QKI: variants seen among roughly 807,000 people sequenced by gnomAD.
QKI encodes the protein KH domain-containing RNA-binding protein QKI.
In QKI, 10 loss-of-function variants were observed where a neutral mutation model predicts 39.0. That is an observed-to-expected ratio of 0.26 (90% CI 0.16 to 0.43). The LOEUF (loss-of-function observed/expected upper bound fraction) is 0.43, where lower values mean the gene tolerates loss of function less well. Ranked by LOEUF, QKI falls within the 20% of genes least tolerant of loss-of-function variation. QKI has a pLI of 1.00. For synonymous variants in QKI, 204 were observed against 155.4 expected (o/e 1.31, Z -2.33); for missense variants, 218 against 428.0 (o/e 0.51, Z 4.33).
intron 3 of QKI, among the ~76,000 whole-genome samples, chr6:163,528,842 A>G (rs1417797494): frequency 6.6e-6 from 1 of 152,118 alleles, no homozygotes; most frequent in African/African-American, 2.4e-5. Context: ...TTGTTATTGC[A>G]CCCTACCTTA....
At chr6:163,443,462 G>A (rs1163890012) in intron 1 of QKI, among the ~76,000 whole-genome samples, 1 of 152,180 alleles carries the variant, frequency 6.6e-6, no homozygotes, top group African/African-American at 2.4e-5. Context: ...CAGCTACTTG[G>A]GAGACTGAGG....
At chr6:163,451,746 A>G (rs1427955476) in intron 1 of QKI, among the ~76,000 whole-genome samples, 1 of 152,170 alleles carries the variant, frequency 6.6e-6, no homozygotes, top group Non-Finnish European at 1.5e-5. Flanking sequence ...GTGGTGGGGC[A>G]TTTGAGTGTT....
Position 163,577,609 on chromosome 6 carries a change from A to ATT in QKI, c.*6899_*6900insTT, listed in dbSNP as rs1777653071. The ATT allele has an allele frequency of 6.6e-6, 1 of 152,490 alleles. No individual in the cohort carries two copies. Among genetic ancestry groups the ATT allele is most frequent in the Admixed American group, 6.6e-5 (1 of 15,252 alleles). 9.4% of individuals were successfully genotyped at this position (152,490 alleles called of 1,614,324 possible). A position where few individuals can be genotyped will look rare whatever the true frequency, so the allele number is the denominator to read the frequency against. On this transcript the variant is annotated 3_prime_UTR_variant, in exon 8 of 8. Coordinates refer to ENST00000361752, the MANE Select transcript of QKI (RefSeq NM_006775.3). ...ACCACTCCTTCCTGTCTCTAGTGTC[A>ATT]CACTTGGGCTGTTGATTTTCTTACT...
intron 2 of QKI, among the ~76,000 whole-genome samples, chr6:163,464,299 G>A (rs1244027996): frequency 1.3e-5 from 2 of 151,304 alleles, no homozygotes; most frequent in Non-Finnish European, 2.9e-5. Context: ...TTAATGGGTG[G>A]GAAACTACCT....
At chr6:163,486,115 T>G (rs987268903) in intron 3 of QKI, among the ~76,000 whole-genome samples, 1 of 152,204 alleles carries the variant, frequency 6.6e-6, no homozygotes, top group African/African-American at 2.4e-5. Context: ...GGGACAACCT[T>G]GGAAAAGAGT....
intron 3 of QKI, among the ~76,000 whole-genome samples, chr6:163,488,278 C>G (rs895676776): frequency 1.3e-5 from 2 of 151,914 alleles, no homozygotes; most frequent in African/African-American, 4.8e-5. Flanking sequence ...AATTCTTCCT[C>G]AGACTTGGAA....
rs1783722701 is a variant in QKI, at chr6:163,571,972, G to A, written c.*1262G>A. 6.6e-6 allele frequency: 1 copy of A among 152,186 alleles called. No homozygotes were observed. Among genetic ancestry groups the A allele is most frequent in the African/African-American group, 2.4e-5 (1 of 41,440 alleles). The allele number at this position is 152,186 out of a possible 1,614,324, so 9.4% of individuals were successfully genotyped here. A position where few individuals can be genotyped will look rare whatever the true frequency, so the allele number is the denominator to read the frequency against. Reference sequence around the variant, plus strand: ...CTCAGTCGCCCAGTATGTGAAAGAAGATATGAGGGAGACAAATGAGTTGAT... The same window carrying A: ...CTCAGTCGCCCAGTATGTGAAAGAAAATATGAGGGAGACAAATGAGTTGAT... On this transcript the variant is annotated 3_prime_UTR_variant, in exon 8 of 8. Transcript: ENST00000361752.
intron 1 of QKI, 126 bp downstream of exon 1, chr6:163,415,461 G>A (rs1281187198): frequency 2.6e-5 from 24 of 911,014 alleles, no homozygotes; most frequent in Admixed American, 3.9e-5. Flanking sequence ...GGGACTGGGA[G>A]GCCAGGAGGG....
intron 3 of QKI, among the ~76,000 whole-genome samples, chr6:163,493,458 A>G (rs969525886): frequency 1.3e-5 from 2 of 152,216 alleles, no homozygotes; most frequent in Non-Finnish European, 2.9e-5. Context: ...TATAAGTAGC[A>G]TTTAATTGTA....
At chr6:163,505,045 G>T (rs969887410) in intron 3 of QKI, among the ~76,000 whole-genome samples, 10 of 152,166 alleles carry the variant, frequency 6.6e-5, no homozygotes, top group African/African-American at 2.4e-4. Flanking sequence ...AGCTTAAAGG[G>T]CCTGAGGTAC....
chr6:163,515,584 A>G (rs1327504478), intron 3 of QKI, among the ~76,000 whole-genome samples: 1 of 152,190 alleles, frequency 6.6e-6, no homozygotes, highest in African/African-American at 2.4e-5. Context: ...AACACATACT[A>G]CATCTTGATA....
chr6:163,541,430 C>T (rs560863176), intron 4 of QKI, among the ~76,000 whole-genome samples: 1 of 150,658 alleles, frequency 6.6e-6, no homozygotes, highest in Non-Finnish European at 1.5e-5. Flanking sequence ...GCAGTAGTTG[C>T]GTGTATATTC....
chr6:163,448,839 G>A (rs1357917755), intron 1 of QKI, among the ~76,000 whole-genome samples: 1 of 152,054 alleles, frequency 6.6e-6, no homozygotes, highest in East Asian at 1.9e-4. Flanking sequence ...GCACAGTGAA[G>A]TTAAATTCCA....
intron 3 of QKI, among the ~76,000 whole-genome samples, chr6:163,527,472 A>G (rs1028409541): frequency 6.6e-6 from 1 of 152,194 alleles, no homozygotes; most frequent in Admixed American, 6.5e-5. Context: ...CTTTCACATT[A>G]AGAGCACAGT....
chr6:163,554,209 A>G (rs766164848), intron 4 of QKI, among the ~76,000 whole-genome samples: 4 of 152,164 alleles, frequency 2.6e-5, no homozygotes, highest in African/African-American at 4.8e-5. Flanking sequence ...GTGCTGGGAA[A>G]GAAGCATGGA....
intron 3 of QKI, among the ~76,000 whole-genome samples, chr6:163,498,719 A>C (rs1022489444): frequency 6.6e-5 from 10 of 152,234 alleles, no homozygotes; most frequent in Non-Finnish European, 8.8e-5. Flanking sequence ...TATGATTAAA[A>C]ACTGATTCTA....
chr6:163,556,567 C>A (rs540872545), intron 4 of QKI, among the ~76,000 whole-genome samples: 1 of 149,594 alleles, frequency 6.7e-6, no homozygotes, highest in East Asian at 2.0e-4. Context: ...ATATCTATAT[C>A]TTAATATGCA....
intron 3 of QKI, among the ~76,000 whole-genome samples, chr6:163,498,343 A>G (rs1349481535): frequency 6.6e-6 from 1 of 152,172 alleles, no homozygotes; most frequent in Non-Finnish European, 1.5e-5. Context: ...AGGCAGAGCA[A>G]CTTTATACAG....
chr6:163,561,450 TA>T (rs1166499631), intron 4 of QKI, among the ~76,000 whole-genome samples: 2 of 151,442 alleles, frequency 1.3e-5, no homozygotes, highest in African/African-American at 4.9e-5. Flanking sequence ...CTACAAAAAA[TA>T]AAAAAAATTA....
Sources: gnomAD v4.1 joint callset for allele counts (sites outside exome capture counted in the v4.1 genomes callset) on GRCh38, gnomAD v4.1.1 for gene constraint, MANE v1.5 for transcripts, NCBI Gene and HGNC (gene_info 2026-07-23, HGNC 2026-07-21) for gene names.